The following RAB39A variants were observed in gnomAD, a reference collection of about 807,000 sequenced individuals.
RAB39A encodes RAB39A, member RAS oncogene family.
RAB39A carries 17 observed loss-of-function variants against 20.9 expected under a neutral mutation model. The ratio of observed to expected loss-of-function variants is 0.81; its 90% confidence interval spans 0.56 to 1.22. The LOEUF is 1.22. RAB39A is among the 50% of genes most tolerant of loss of function. RAB39A has a pLI of 0.00. For missense variants in RAB39A, 234 were observed against 270.5 expected (o/e 0.87, Z 0.95); for synonymous variants, 99 against 103.4 (o/e 0.96, Z 0.26).
At chr11:107,943,999 G>A (rs959499690) in intron 1 of RAB39A, among the ~76,000 whole-genome samples, 7 of 151,974 alleles carry the variant, frequency 4.6e-5, no homozygotes, top group Non-Finnish European at 1.0e-4. Context: ...GGATGCTGAG[G>A]CAGGAGAATT....
chr11:107,946,880 G>T (rs1033219982), intron 1 of RAB39A, among the ~76,000 whole-genome samples: 5 of 151,860 alleles, frequency 3.3e-5, no homozygotes, highest in Non-Finnish European at 5.9e-5. Flanking sequence ...TTGAGGTCTG[G>T]AGTTTGAGAC....
chr11:107,961,870 A>C, intron 1 of RAB39A, 76 bp from the exon 2 acceptor site: 1 of 1,105,594 alleles, frequency 9.0e-7, no homozygotes, highest in South Asian at 1.6e-5. Flanking sequence ...AAATGTTATT[A>C]TGGTGCTAGA....
At chr11:107,956,434 C>T (rs569602571) in intron 1 of RAB39A, among the ~76,000 whole-genome samples, 7 of 152,260 alleles carry the variant, frequency 4.6e-5, no homozygotes, top group African/African-American at 1.4e-4. Flanking sequence ...GGGAAAAGGA[C>T]GCTATACAAG....
At chr11:107,929,540 T>C (rs956611762) in intron 1 of RAB39A, among the ~76,000 whole-genome samples, 1 of 152,072 alleles carries the variant, frequency 6.6e-6, no homozygotes, top group African/African-American at 2.4e-5. Context: ...TAGAAGTTTG[T>C]CATGTTTGGT....
Position 107,928,868 on chromosome 11 carries a change from G to T in RAB39A, c.227+73G>T, listed in dbSNP as rs1457741377. ...CCGGACGCCCCTTCCCCAGGCGTCC[G>T]CCCCGCCGGCCCTGGTCGGGAGAGG... On this transcript the variant is annotated intron_variant, in intron 1 of 1. Transcript: ENST00000320578. This position sits in a 1 kb window ranked among gnomAD's most constrained non-coding sequence, Gnocchi z 4.9. 5.6e-6 allele frequency: 7 copies of T among 1,242,494 alleles called. No homozygotes were observed. Among genetic ancestry groups the T allele is most frequent in the African/African-American group, 4.6e-5 (3 of 65,516 alleles). 77.0% of individuals were successfully genotyped at this position (1,242,494 alleles called of 1,614,324 possible).
At chr11:107,958,540 A>G (rs2134974745) in intron 1 of RAB39A, among the ~76,000 whole-genome samples, 1 of 152,318 alleles carries the variant, frequency 6.6e-6, no homozygotes, top group South Asian at 2.1e-4. Context: ...GAAAAACACT[A>G]CCTGCAGGAC....
intron 1 of RAB39A, among the ~76,000 whole-genome samples, chr11:107,946,780 A>ATTTT (rs887754002): frequency 6.6e-6 from 1 of 151,068 alleles, no homozygotes; most frequent in Admixed American, 6.6e-5. Context: ...AGCCGATACT[A>ATTTT]TTTTTTTTAA....
chr11:107,953,335 G>A (rs1199116313), intron 1 of RAB39A, among the ~76,000 whole-genome samples: 1 of 152,166 alleles, frequency 6.6e-6, no homozygotes, highest in East Asian at 1.9e-4. Context: ...AACAAAACCA[G>A]CTTGAGAACC....
At position 107,947,807 on chromosome 11, in the gene RAB39A, C is replaced by CAAAA. The variant is rs35694249; in HGVS notation, c.228-14119_228-14116dup. Among the ~76,000 whole-genome samples the CAAAA allele has an allele frequency of 3.5e-3, 283 of 80,200 alleles. 18 individuals carry two copies. The highest frequency in any genetic ancestry group is 0.015 in the Middle Eastern group (1 of 68). 52.6% of individuals were successfully genotyped at this position (80,200 alleles called of 152,430 possible). A position where few individuals can be genotyped will look rare whatever the true frequency, so the allele number is the denominator to read the frequency against. ...CTGAGAAAGGAACAGCATCAACAGG[C>CAAAA]AAAAAAAAAAAAAAAAAAAAAAAGA... On this transcript the variant is annotated intron_variant, in intron 1 of 1. Coordinates refer to ENST00000320578, the MANE Select transcript of RAB39A (RefSeq NM_017516.3).
At chr11:107,960,570 TG>T (rs1288121396) in intron 1 of RAB39A, among the ~76,000 whole-genome samples, 1 of 152,182 alleles carries the variant, frequency 6.6e-6, no homozygotes, top group Non-Finnish European at 1.5e-5. Context: ...AGGAAACAGA[TG>T]GCACAATTGT....
chr11:107,958,036 C>T (rs778594637), intron 1 of RAB39A, among the ~76,000 whole-genome samples: 2 of 152,086 alleles, frequency 1.3e-5, no homozygotes, highest in African/African-American at 2.4e-5. Context: ...GGACTACAGG[C>T]ATGCACCACC....
intron 1 of RAB39A, among the ~76,000 whole-genome samples, chr11:107,945,760 C>T (rs1158909195): frequency 2.0e-5 from 3 of 152,114 alleles, no homozygotes; most frequent in Non-Finnish European, 4.4e-5. Flanking sequence ...TTCTCTCCCC[C>T]GCCAACCACA....
chr11:107,932,016 C>T (rs1388390760), intron 1 of RAB39A, among the ~76,000 whole-genome samples: 2 of 138,180 alleles, frequency 1.4e-5, no homozygotes, highest in Non-Finnish European at 3.3e-5. Context: ...CACACCACCA[C>T]GCCTAGCTAA....
intron 1 of RAB39A, among the ~76,000 whole-genome samples, chr11:107,940,930 G>A (rs924508146): frequency 6.6e-6 from 1 of 151,760 alleles, no homozygotes; most frequent in South Asian, 2.1e-4. Context: ...CCGAGATCAC[G>A]CCACTGCCTT....
At chr11:107,950,851 A>G (rs1013431886) in intron 1 of RAB39A, among the ~76,000 whole-genome samples, 1 of 152,148 alleles carries the variant, frequency 6.6e-6, no homozygotes, top group Non-Finnish European at 1.5e-5. Flanking sequence ...TAAAAATTAT[A>G]TAGGATGTCA....
At chr11:107,945,916 A>G (rs747967726) in intron 1 of RAB39A, among the ~76,000 whole-genome samples, 2 of 152,158 alleles carry the variant, frequency 1.3e-5, no homozygotes, top group Non-Finnish European at 2.9e-5. Context: ...AAAACTGTCT[A>G]GCCCCCTTTC....
intron 1 of RAB39A, among the ~76,000 whole-genome samples, chr11:107,948,462 T>A (rs1861340767): frequency 6.6e-6 from 1 of 152,040 alleles, no homozygotes; most frequent in Non-Finnish European, 1.5e-5. Flanking sequence ...ATGTGGTGAT[T>A]TTAAAGCACA....
intron 1 of RAB39A, among the ~76,000 whole-genome samples, chr11:107,941,262 A>G (rs1189081014): frequency 6.6e-6 from 1 of 152,128 alleles, no homozygotes; most frequent in Non-Finnish European, 1.5e-5. Context: ...CAAGGCAGAT[A>G]TGGTGTTTCC....
chr11:107,955,143 C>T (rs1861419982), intron 1 of RAB39A, among the ~76,000 whole-genome samples: 1 of 151,594 alleles, frequency 6.6e-6, no homozygotes, highest in African/African-American at 2.4e-5. Context: ...ACTACAGGCA[C>T]CCGCCACCAT....
Sources: gnomAD v4.1 joint callset for allele counts (sites outside exome capture counted in the v4.1 genomes callset) on GRCh38, gnomAD v4.1.1 for gene constraint, Gnocchi (gnomAD v3.1) non-coding constraint, MANE v1.5 for transcripts, NCBI Gene and HGNC (gene_info 2026-07-23, HGNC 2026-07-21) for gene names.